KITLG: variants seen among roughly 807,000 people sequenced by gnomAD.
The protein encoded by KITLG is KIT ligand.
Under a neutral mutation model 34.1 loss-of-function variants are expected in KITLG, and 13 were observed. The ratio of observed to expected loss-of-function variants is 0.38; its 90% CI spans 0.25 to 0.61. The LOEUF is 0.61. KITLG is among the 20% of genes least tolerant of loss of function. The pLI is 0.60. For synonymous variants in KITLG, 110 were observed against 104.0 expected, an observed-to-expected ratio of 1.06 and a Z score of -0.35; for missense variants, 292 against 318.9, an observed-to-expected ratio of 0.92 and a Z score of 0.64.
chr12:88,510,359 A>C (rs1869229063), intron 6 of KITLG, among the ~76,000 whole-genome samples: 1 of 152,180 alleles, frequency 6.6e-6, no homozygotes, highest in African/African-American at 2.4e-5. Flanking sequence ...TCTAGTACTT[A>C]ATGATGAACT....
intron 2 of KITLG, among the ~76,000 whole-genome samples, chr12:88,537,475 A>G (rs979420236): frequency 2.0e-5 from 3 of 151,980 alleles, no homozygotes; most frequent in East Asian, 3.9e-4. Context: ...AGGGACAACT[A>G]GATAGGAAGC....
At chr12:88,518,952 TTA>T in intron 3 of KITLG, 85 bp from the exon 4 acceptor site, 1 of 1,228,506 alleles carries the variant, frequency 8.1e-7, no homozygotes, top group Non-Finnish European at 1.2e-6. Context: ...AGCTATCGTT[TTA>T]GTTACTCAAG....
intron 2 of KITLG, among the ~76,000 whole-genome samples, chr12:88,545,143 G>A (rs745586459): frequency 6.6e-6 from 1 of 152,150 alleles, no homozygotes; most frequent in African/African-American, 2.4e-5. Context: ...GAGAAGCATA[G>A]CATGGAGCTG....
At chr12:88,540,915 A>G (rs915162898) in intron 2 of KITLG, among the ~76,000 whole-genome samples, 4 of 152,182 alleles carry the variant, frequency 2.6e-5, no homozygotes, top group Non-Finnish European at 5.9e-5. Flanking sequence ...TTTGAAAACT[A>G]TCTTTCAAAC....
At chr12:88,534,216 A>G (rs1438234265) in intron 2 of KITLG, among the ~76,000 whole-genome samples, 1 of 152,112 alleles carries the variant, frequency 6.6e-6, no homozygotes, top group Non-Finnish European at 1.5e-5. Flanking sequence ...ACTAGAACTC[A>G]GGTCCCTGGA....
chr12:88,568,280 CATTTATTTATTT>C lies in KITLG; in HGVS notation c.15+11972_15+11983del, dbSNP rs59218602. ...GTCAGACAATTTCCACATATTATCT[CATTTATTTATTT>C]ATTTATTTATTTATTTATTTATTTA... On this transcript the variant is annotated intron_variant, in intron 1 of 9. Coordinates refer to ENST00000644744, the MANE Select transcript of KITLG (RefSeq NM_000899.5). Among the ~76,000 whole-genome samples the C allele has an allele frequency of 1.9e-3, 278 of 147,104 alleles. 1 individual carries two copies. Among genetic ancestry groups the C allele is most frequent in the Admixed American group, 3.6e-3 (53 of 14,774 alleles).
At chr12:88,571,238 TTAAG>T (rs1871640622) in intron 1 of KITLG, among the ~76,000 whole-genome samples, 1 of 152,214 alleles carries the variant, frequency 6.6e-6, no homozygotes, top group African/African-American at 2.4e-5. Context: ...CAATGCTCTA[TTAAG>T]TAAGTGCCAG....
At chr12:88,542,496 T>G (rs1870552589) in intron 2 of KITLG, among the ~76,000 whole-genome samples, 1 of 152,154 alleles carries the variant, frequency 6.6e-6, no homozygotes, top group Non-Finnish European at 1.5e-5. Context: ...CAAGATGCTC[T>G]GCCCCACCAT....
intron 6 of KITLG, among the ~76,000 whole-genome samples, chr12:88,511,109 G>C (rs1337858003): frequency 6.6e-6 from 1 of 152,064 alleles, no homozygotes; most frequent in East Asian, 1.9e-4. Context: ...AAAAAAGAAG[G>C]CTGTCCATTC....
At position 88,538,261 on chromosome 12, in the gene KITLG, TGA is replaced by T. The variant is rs973668371; in HGVS notation, c.130-5760_130-5759del. On this transcript the variant is annotated intron_variant, in intron 2 of 9. Coordinates refer to ENST00000644744, the MANE Select transcript of KITLG (RefSeq NM_000899.5). The stretch of plus-strand genomic sequence containing the variant: ...AGAAATATTCCAGGAAAACTGCCTT[TGA>T]GAGAGACCCTCCAAATGTTGAGCTA... Among the ~76,000 whole-genome samples, 23 of 152,048 alleles carry T rather than the reference TGA, an allele frequency of 1.5e-4. 1 individual carries two copies. Among genetic ancestry groups the T allele is most frequent in the Middle Eastern group, 6.8e-3 (2 of 294 alleles).
rs1387694568 is a variant in KITLG, at chr12:88,578,490, G to C, written c.15+1774C>G. Among the ~76,000 whole-genome samples the C allele has an allele frequency of 2.0e-5, 3 of 152,174 alleles. No homozygotes were observed. In the East Asian group the frequency reaches 5.8e-4, roughly 29 times the overall value. On this transcript the variant is annotated intron_variant, in intron 1 of 9. Coordinates refer to ENST00000644744, the MANE Select transcript of KITLG (RefSeq NM_000899.5). ...CTAATGCCACAGTCACAATGTTTCA[G>C]ACTAGATTGACCTCTTTCTAGTTTT...
chr12:88,517,460 T>A (rs1056998488), intron 4 of KITLG, among the ~76,000 whole-genome samples: 1 of 152,060 alleles, frequency 6.6e-6, no homozygotes, highest in African/African-American at 2.4e-5. Context: ...TAATTGGTAA[T>A]CTCCTGGGTT....
At chr12:88,576,649 T>C (rs1871835023) in intron 1 of KITLG, among the ~76,000 whole-genome samples, 1 of 152,098 alleles carries the variant, frequency 6.6e-6, no homozygotes, top group Admixed American at 6.5e-5. Context: ...GTCTCATGAG[T>C]AGTAAAACAG....
chr12:88,495,367 C>T lies in KITLG; in HGVS notation c.*1852G>A, dbSNP rs1238536858. On this transcript the variant is annotated 3_prime_UTR_variant, in exon 10 of 10. Transcript: ENST00000644744. ...ATTTTCCTGAAAACAGTCAATGCCA[C>T]ACACTGAGACAGGACCTATCAGCAA... 6.6e-6 allele frequency: 1 copy of T among 152,132 alleles called. No homozygotes were observed. The highest frequency in any genetic ancestry group is 1.5e-5 in the Non-Finnish European group (1 of 67,978). The allele number at this position is 152,132 out of a possible 1,614,324, so 9.4% of individuals were successfully genotyped here. A position where few individuals can be genotyped will look rare whatever the true frequency, so the allele number is the denominator to read the frequency against.
chr12:88,518,585 T>C, intron 4 of KITLG, 112 bp downstream of exon 4: 1 of 843,650 alleles, frequency 1.2e-6, no homozygotes, highest in South Asian at 1.5e-5. Context: ...ATTTGAAGTT[T>C]ATACAATCAA....
At chr12:88,541,205 A>T (rs1274464515) in intron 2 of KITLG, among the ~76,000 whole-genome samples, 1 of 152,160 alleles carries the variant, frequency 6.6e-6, no homozygotes, top group East Asian at 1.9e-4. Flanking sequence ...AATCATGTAT[A>T]AATATAGCCA....
In KITLG at chr12:88,507,116, C is replaced by T; in HGVS notation, c.626G>A (p.Gly209Glu). Residue 209 changes from glycine to glutamate, a missense_variant, in exon 7 of 10, where the codon GGA (glycine) becomes GAA (glutamate). Gly to Glu is a moderately conservative substitution (Grantham distance 98). Around this residue, in one of 2 missense-constraint regions of KITLG, gnomAD observed 140 missense variants for 111.0 expected, o/e 1.26. Transcript: ENST00000644744. ...GGCTGCCCAGTGTAGGCTGGAGTCT[C>T]CAGGGGGATTTTTGGCCTTCCCTAT... ...SSNRKAKNPP[G>E]DSSLHWAAMA... is the part of the protein sequence containing the mutation. The T allele has an allele frequency of 1.9e-6, 3 of 1,612,412 alleles. No individual in the cohort carries two copies. The highest frequency in any genetic ancestry group is 1.1e-5 in the South Asian group (1 of 91,038).
At chr12:88,511,681 A>T (rs1441882961) in intron 6 of KITLG, among the ~76,000 whole-genome samples, 1 of 152,180 alleles carries the variant, frequency 6.6e-6, no homozygotes, top group East Asian at 1.9e-4. Context: ...AAAAAAAAAT[A>T]ACCAAACACC....
intron 3 of KITLG, among the ~76,000 whole-genome samples, chr12:88,529,728 C>G (rs929067290): frequency 6.6e-6 from 1 of 152,150 alleles, no homozygotes; most frequent in Admixed American, 6.5e-5. Flanking sequence ...TCTGACCACT[C>G]GCAAATAATC....
Sources: gnomAD v4.1 joint callset for allele counts (sites outside exome capture counted in the v4.1 genomes callset) on GRCh38, gnomAD v4.1.1 for gene constraint, gnomAD v4.1.1 regional missense constraint, MANE v1.5 for transcripts, NCBI Gene and HGNC (gene_info 2026-07-23, HGNC 2026-07-21) for gene names.